RARA: variants seen among roughly 807,000 people sequenced by gnomAD.
The protein encoded by RARA is retinoic acid receptor alpha.
RARA carries 5 observed loss-of-function variants against 42.8 expected under a neutral mutation model. The ratio of observed to expected loss-of-function variants is 0.12; its 90% CI spans 0.06 to 0.25. The LOEUF is 0.25. Among genes scored for constraint, RARA ranks in the 10% least tolerant of loss-of-function variants. The probability of loss-of-function intolerance (pLI) is 1.00; values close to 1 mark genes in which losing one functional copy is unlikely to be tolerated. For missense variants in RARA, 402 were observed against 628.7 expected, an observed-to-expected ratio of 0.64 and a Z score of 3.86; for synonymous variants, 256 against 259.5, an observed-to-expected ratio of 0.99 and a Z score of 0.13.
chr17:40,348,553 G>C (rs947309923), intron 3 of RARA, 89 bp downstream of exon 3: 5 of 1,456,386 alleles, frequency 3.4e-6, no homozygotes, highest in Admixed American at 4.8e-5. Flanking sequence ...CAGTTGGGGG[G>C]TGTCCCTGAA....
rs1315168074 is a variant in RARA, at chr17:40,326,906, T to C, written c.-362-3951T>C. Among the ~76,000 whole-genome samples, 1 of 152,166 alleles carries C rather than the reference T, an allele frequency of 6.6e-6. No homozygotes were observed. The highest frequency in any genetic ancestry group is 1.5e-5 in the Non-Finnish European group (1 of 68,008). On this transcript the variant is annotated intron_variant, in intron 1 of 8. Coordinates refer to ENST00000254066, the MANE Select transcript of RARA (RefSeq NM_000964.4). This position sits in a 1 kb window ranked among gnomAD's most constrained non-coding sequence, Gnocchi z 5.2. Reference sequence around the variant, plus strand: ...CTTTTGGGCCCACCCTGGTCATCCCTACCCTTGCCCATCCCTGTTCTCTGG... The same window carrying C: ...CTTTTGGGCCCACCCTGGTCATCCCCACCCTTGCCCATCCCTGTTCTCTGG...
At chr17:40,339,329 C>T (rs1359346219) in intron 2 of RARA, among the ~76,000 whole-genome samples, 2 of 152,200 alleles carry the variant, frequency 1.3e-5, no homozygotes, top group Admixed American at 6.5e-5. Context: ...TTGGCCTGCA[C>T]CTGCTGAGGG....
chr17:40,352,598 C>T lies in RARA; in HGVS notation c.807+91C>T, dbSNP rs1452804146. On this transcript the variant is annotated intron_variant, in intron 6 of 8. Transcript: ENST00000254066. This position sits in a 1 kb window ranked among gnomAD's most constrained non-coding sequence, Gnocchi z 4.9. Reference sequence around the variant, plus strand: ...GACAGCCACCCTCCTAAATGTCTGTCTGCAATCAACCTGTCCAAATGCCCA... The same window carrying T: ...GACAGCCACCCTCCTAAATGTCTGTTTGCAATCAACCTGTCCAAATGCCCA... The T allele has an allele frequency of 5.6e-6, 7 of 1,244,542 alleles. No individual in the cohort carries two copies. Among genetic ancestry groups the T allele is most frequent in the Non-Finnish European group, 7.6e-6 (7 of 919,690 alleles). The allele number at this position is 1,244,542 out of a possible 1,614,324, so 77.1% of individuals were successfully genotyped here.
intron 1 of RARA, among the ~76,000 whole-genome samples, chr17:40,316,421 C>T (rs1344624315): frequency 1.3e-5 from 2 of 152,232 alleles, no homozygotes; most frequent in African/African-American, 4.8e-5. Context: ...CCTGAATGTG[C>T]ACGTGGAAAT....
intron 6 of RARA, among the ~76,000 whole-genome samples, chr17:40,353,644 C>T (rs28607445): frequency 0.035 from 5,294 of 152,192 alleles, 284 homozygotes; most frequent in African/African-American, 0.12. Flanking sequence ...TTTGTAGAGA[C>T]GGGGTTTCAC....
chr17:40,312,577 A>T (rs1206184293), intron 1 of RARA, among the ~76,000 whole-genome samples: 1 of 152,236 alleles, frequency 6.6e-6, no homozygotes, highest in Non-Finnish European at 1.5e-5. Flanking sequence ...GAGGGTAAGC[A>T]GGCAGGCAGA....
intron 1 of RARA, among the ~76,000 whole-genome samples, chr17:40,323,709 G>A (rs1424293708): frequency 2.0e-5 from 3 of 149,430 alleles, no homozygotes; most frequent in African/African-American, 7.4e-5. Context: ...CTGAGTAGGC[G>A]GGTGTGGAGT....
chr17:40,349,023 C>T (rs1227754132), intron 3 of RARA: 1 of 155,102 alleles, frequency 6.4e-6, no homozygotes, highest in African/African-American at 2.4e-5. Flanking sequence ...GGGCCTGAGC[C>T]TCTGTGTGCG....
In RARA at chr17:40,354,600, G is replaced by T; in HGVS notation, c.1012+94G>T. On this transcript the variant is annotated intron_variant, in intron 7 of 8. Transcript: ENST00000254066. The surrounding 1 kb of genome is among the most constrained non-coding windows in gnomAD (Gnocchi z 4.5). The stretch of plus-strand genomic sequence containing the variant: ...AGCTCTTTCAGGCCACCTCTGTTAG[G>T]TATCTCTAGAGGGCAGGGTCTGGTC... 7.0e-7 allele frequency: 1 copy of T among 1,422,118 alleles called. No individual in the cohort carries two copies. The highest frequency in any genetic ancestry group is 2.4e-5 in the East Asian group (1 of 41,598). 88.1% of individuals were successfully genotyped at this position (1,422,118 alleles called of 1,614,324 possible).
At chr17:40,332,375 C>T (rs1474943537) in intron 2 of RARA, among the ~76,000 whole-genome samples, 12 of 152,194 alleles carry the variant, frequency 7.9e-5, no homozygotes, top group East Asian at 7.7e-4. Context: ...CCTCTCCTGG[C>T]CAGCAGGGAC....
At chr17:40,316,109 G>C (rs147747703) in intron 1 of RARA, among the ~76,000 whole-genome samples, 2,312 of 152,352 alleles carry the variant, frequency 0.015, 30 homozygotes, top group Non-Finnish European at 0.023. Flanking sequence ...TCAAGCTTGG[G>C]TAGGGCTGGG....
In RARA at chr17:40,354,162, T is replaced by A. The variant is rs373489272; in HGVS notation, c.808-140T>A. On this transcript the variant is annotated intron_variant, in intron 6 of 8. Transcript: ENST00000254066. This position sits in a 1 kb window ranked among gnomAD's most constrained non-coding sequence, Gnocchi z 4.5. ...GTGCAGACGTAGAACCTTTCCATCATTGTAGAAAATTCTATCAGACAGCAT... is the reference window on the plus strand; with the variant it reads ...GTGCAGACGTAGAACCTTTCCATCAATGTAGAAAATTCTATCAGACAGCAT... 4.0e-6 allele frequency: 3 copies of A among 748,460 alleles called. No homozygotes were observed. The highest frequency in any genetic ancestry group is 1.8e-5 in the African/African-American group (1 of 56,810). 46.4% of individuals were successfully genotyped at this position (748,460 alleles called of 1,614,324 possible).
In RARA at chr17:40,355,963, G is replaced by A; in HGVS notation, c.1172-46G>A. ...CCAGGCTTGCTGGGGCTGGGGGTGG[G>A]AGGGCTGGCCCAGCGTGCTGACCTC... On this transcript the variant is annotated intron_variant, in intron 8 of 8. Coordinates refer to ENST00000254066, the MANE Select transcript of RARA (RefSeq NM_000964.4). This position sits in a 1 kb window ranked among gnomAD's most constrained non-coding sequence, Gnocchi z 4.1. The A allele has an allele frequency of 1.3e-6, 2 of 1,523,410 alleles. No individual in the cohort carries two copies. Among genetic ancestry groups the A allele is most frequent in the South Asian group, 2.4e-5 (2 of 81,898 alleles). The allele number at this position is 1,523,410 out of a possible 1,614,324, so 94.4% of individuals were successfully genotyped here. A position where few individuals can be genotyped will look rare whatever the true frequency, so the allele number is the denominator to read the frequency against.
chr17:40,354,518 G>C lies in RARA; in HGVS notation c.1012+12G>C. The C allele has an allele frequency of 6.2e-7, 1 of 1,610,052 alleles. No individual in the cohort carries two copies. The highest frequency in any genetic ancestry group is 8.5e-7 in the Non-Finnish European group (1 of 1,177,740). Reference sequence around the variant, plus strand: ...CCTCATCTGCGGAGGTGGGCAGGGGGCCTGGGTCTGGGGGCTGGGCTGGGA... The same window carrying C: ...CCTCATCTGCGGAGGTGGGCAGGGGCCCTGGGTCTGGGGGCTGGGCTGGGA... On this transcript the variant is annotated intron_variant, in intron 7 of 8. Coordinates refer to ENST00000254066, the MANE Select transcript of RARA (RefSeq NM_000964.4). The surrounding 1 kb of genome is among the most constrained non-coding windows in gnomAD (Gnocchi z 4.5).
chr17:40,319,675 G>T lies in RARA; in HGVS notation c.-363+10389G>T, dbSNP rs201493636. Among the ~76,000 whole-genome samples, 13 of 152,182 alleles carry T rather than the reference G, an allele frequency of 8.5e-5. 1 individual carries two copies. In the East Asian group the frequency reaches 2.3e-3, roughly 27 times the overall value. On this transcript the variant is annotated intron_variant, in intron 1 of 8. Transcript: ENST00000254066. Reference sequence around the variant, plus strand: ...AGGGCAAGATTGTTTTGGGGGAAGTGGTTCTGTAAGGACCTTCCAGGTCTT... The same window carrying T: ...AGGGCAAGATTGTTTTGGGGGAAGTTGTTCTGTAAGGACCTTCCAGGTCTT...
In RARA at chr17:40,320,352, G is replaced by A. The variant is rs1322872985; in HGVS notation, c.-362-10505G>A. Among the ~76,000 whole-genome samples, 1 of 152,106 alleles carries A rather than the reference G, an allele frequency of 6.6e-6. No homozygotes were observed. On this transcript the variant is annotated intron_variant, in intron 1 of 8. Coordinates refer to ENST00000254066, the MANE Select transcript of RARA (RefSeq NM_000964.4). The surrounding 1 kb of genome is among the most constrained non-coding windows in gnomAD (Gnocchi z 4.1). ...CAGCCTGGCAGGAAGCCAGCTGTGG[G>A]CAGCCCCATCCTGATCACCCATGTG...
intron 1 of RARA, among the ~76,000 whole-genome samples, chr17:40,327,264 G>A (rs1001163902): frequency 1.3e-5 from 2 of 152,178 alleles, no homozygotes; most frequent in Non-Finnish European, 2.9e-5. Flanking sequence ...CTGGCCTCCC[G>A]ACCCCCAAAG....
intron 1 of RARA, among the ~76,000 whole-genome samples, chr17:40,319,824 G>A (rs993022429): frequency 1.1e-4 from 16 of 146,590 alleles, no homozygotes; most frequent in Admixed American, 6.7e-4. Context: ...GGAGGGGGCC[G>A]GGGGGGGCGG....
chr17:40,353,737 A>C (rs2034526090), intron 6 of RARA, among the ~76,000 whole-genome samples: 1 of 152,084 alleles, frequency 6.6e-6, no homozygotes, highest in South Asian at 2.1e-4. Flanking sequence ...CTCCATGGGC[A>C]CCTCTGAATG....
Sources: allele counts gnomAD v4.1 joint callset (sites outside exome capture counted in the v4.1 genomes callset), GRCh38; gene constraint gnomAD v4.1.1; non-coding constraint Gnocchi (gnomAD v3.1); transcripts MANE v1.5; gene names NCBI Gene and HGNC (gene_info 2026-07-23, HGNC 2026-07-21).